CHRNA5: variants seen among roughly 807,000 people sequenced by gnomAD.
CHRNA5 encodes neuronal acetylcholine receptor subunit alpha-5.
In CHRNA5, 28 loss-of-function variants were observed where a neutral mutation model predicts 41.2. The ratio of observed to expected loss-of-function variants is 0.68; its 90% CI spans 0.50 to 0.93. CHRNA5 has a LOEUF of 0.93. Among genes scored for constraint, CHRNA5 ranks in the 40% least tolerant of loss-of-function variants. The probability of loss-of-function intolerance (pLI) is 0.00; values close to 1 mark genes in which losing one functional copy is unlikely to be tolerated. For missense variants in CHRNA5, 481 were observed against 581.9 expected, an observed-to-expected ratio of 0.83 and a Z score of 1.78; for synonymous variants, 188 against 205.8, an observed-to-expected ratio of 0.91 and a Z score of 0.74.
chr15:78,590,561 A>G (rs750645471), exon 5 of CHRNA5: 1 of 1,614,228 alleles, frequency 6.2e-7, no homozygotes, highest in Non-Finnish European at 8.5e-7. Context: ...AATCTTCTAG[A>G]AACACATTGG....
chr15:78,567,273 GA>G (rs1452227003), intron 1 of CHRNA5, among the ~76,000 whole-genome samples: 2 of 149,448 alleles, frequency 1.3e-5, no homozygotes, highest in African/African-American at 2.5e-5. Context: ...AAAAAGAAAA[GA>G]AAAGAAATGG....
At chr15:78,570,902 G>A (rs184509607) in intron 1 of CHRNA5, among the ~76,000 whole-genome samples, 1 of 152,312 alleles carries the variant, frequency 6.6e-6, no homozygotes, top group East Asian at 1.9e-4. Flanking sequence ...CTAGCCATGA[G>A]ATGCCAGTAG....
At chr15:78,583,752 G>A (rs1303527616) in intron 2 of CHRNA5, among the ~76,000 whole-genome samples, 1 of 152,058 alleles carries the variant, frequency 6.6e-6, no homozygotes, top group African/African-American at 2.4e-5. Flanking sequence ...CAGAGAAGAT[G>A]ATGAGTTTGA....
intron 2 of CHRNA5, among the ~76,000 whole-genome samples, chr15:78,583,640 A>C (rs2052932903): frequency 6.6e-6 from 1 of 151,746 alleles, no homozygotes; most frequent in South Asian, 2.1e-4. Context: ...GCTTGCAGTG[A>C]GCCGAGATTG....
rs56201623 is a variant in CHRNA5, at chr15:78,589,662, C to T, written c.414-143C>T. 400 of 652,928 alleles carry T rather than the reference C, an allele frequency of 6.1e-4. 3 individuals are homozygous for T. In the East Asian group the frequency reaches 7.3e-3, roughly 12 times the overall value. The allele number at this position is 652,928 out of a possible 1,614,324, so 40.4% of individuals were successfully genotyped here. A position where few individuals can be genotyped will look rare whatever the true frequency, so the allele number is the denominator to read the frequency against. On this transcript the variant is annotated intron_variant, in intron 4 of 5. Transcript: ENST00000299565. ...CCTGGAGCAGGGTCCCTATGTAGCA[C>T]GTATATCTTATCTGAAGTATAGTAA...
intron 5 of CHRNA5, 110 bp downstream of exon 5, chr15:78,590,746 T>C: frequency 1.2e-6 from 1 of 842,300 alleles, no homozygotes. Context: ...AGACTAAGCA[T>C]AGATTGAGGG....
intron 1 of CHRNA5, among the ~76,000 whole-genome samples, chr15:78,571,429 T>C (rs189261071): frequency 4.6e-5 from 7 of 152,334 alleles, no homozygotes; most frequent in Non-Finnish European, 1.0e-4. Context: ...TTCAAGGTCA[T>C]ACAGGCAACC....
chr15:78,593,495 T>A, exon 6 of CHRNA5: 1 of 288,080 alleles, frequency 3.5e-6, no homozygotes, highest in East Asian at 6.5e-5. Context: ...ACTGGACTAG[T>A]GAAAAATCTA....
chr15:78,594,878 G>A (rs934633362), exon 6 of CHRNA5: 24 of 152,186 alleles, frequency 1.6e-4, no homozygotes, highest in African/African-American at 3.4e-4. Context: ...CTAGTACAGC[G>A]TAAATGATTT....
chr15:78,570,226 A>G (rs933549960), intron 1 of CHRNA5, among the ~76,000 whole-genome samples: 1 of 151,992 alleles, frequency 6.6e-6, no homozygotes, highest in African/African-American at 2.4e-5. Flanking sequence ...TTCTCCTTTG[A>G]GGAAACATGA....
chr15:78,573,451 G>A (rs1314679038), intron 1 of CHRNA5, among the ~76,000 whole-genome samples: 1 of 152,210 alleles, frequency 6.6e-6, no homozygotes, highest in Non-Finnish European at 1.5e-5. Context: ...CAGGCACCAG[G>A]TCTTCGTTTT....
At chr15:78,595,164 T>A (rs549454372) in exon 6 of CHRNA5, 30 of 396,384 alleles carry the variant, frequency 7.6e-5, no homozygotes, top group Admixed American at 3.2e-4. Flanking sequence ...GTGTGATGAA[T>A]TTAGATTGCC....
intron 1 of CHRNA5, among the ~76,000 whole-genome samples, chr15:78,571,532 A>G (rs1434577148): frequency 6.6e-6 from 1 of 151,380 alleles, no homozygotes; most frequent in African/African-American, 2.4e-5. Context: ...ATAGCCCCAA[A>G]TTAAGATAAT....
chr15:78,587,923 A>G (rs1471550144), intron 3 of CHRNA5, among the ~76,000 whole-genome samples: 1 of 152,210 alleles, frequency 6.6e-6, no homozygotes, highest in African/African-American at 2.4e-5. Flanking sequence ...TGTGCAATAA[A>G]TCCAACTCCC....
chr15:78,585,190 C>G lies in CHRNA5; in HGVS notation c.259-1455C>G, dbSNP rs141609018. On this transcript the variant is annotated intron_variant, in intron 2 of 5. Transcript: ENST00000299565. ...CTTGGCCTCCCAAGTGCTGGGATTA[C>G]AGGTGTGAGCCACCGTGCCCAGCCA... 2.7e-3 allele frequency among the ~76,000 whole-genome samples: 413 copies of G among 152,330 alleles called. 19 individuals carry two copies. In the East Asian group the frequency reaches 0.067, roughly 25 times the overall value.
intron 1 of CHRNA5, among the ~76,000 whole-genome samples, chr15:78,578,224 A>C (rs2052876445): frequency 6.6e-6 from 1 of 152,196 alleles, no homozygotes. Flanking sequence ...TAAACTAGTT[A>C]CTGCCTGGCG....
chr15:78,568,531 A>G (rs973466987), intron 1 of CHRNA5, among the ~76,000 whole-genome samples: 6 of 152,002 alleles, frequency 3.9e-5, no homozygotes, highest in African/African-American at 1.2e-4. Context: ...TTTGTTACAT[A>G]GGTATACATG....
chr15:78,579,221 CATTT>C (rs985684212), intron 1 of CHRNA5, among the ~76,000 whole-genome samples: 18 of 136,418 alleles, frequency 1.3e-4, no homozygotes, highest in African/African-American at 4.9e-4. Context: ...CATATACATA[CATTT>C]ATTTATTTAT....
chr15:78,571,349 A>G (rs1001796565), intron 1 of CHRNA5, among the ~76,000 whole-genome samples: 3 of 152,218 alleles, frequency 2.0e-5, no homozygotes, highest in Non-Finnish European at 2.9e-5. Flanking sequence ...TCACTTTTCC[A>G]TATTTTCTTC....
Sources: allele counts gnomAD v4.1 joint callset (sites outside exome capture counted in the v4.1 genomes callset), GRCh38; gene constraint gnomAD v4.1.1; transcripts MANE v1.5; gene names NCBI Gene and HGNC (gene_info 2026-07-23, HGNC 2026-07-21).